The following TF variants were observed in gnomAD, a reference collection of about 807,000 sequenced individuals.
TF encodes transferrin.
A neutral mutation model predicts 82.4 loss-of-function variants in TF; 55 were observed. The ratio of observed to expected loss-of-function variants is 0.67; its 90% CI spans 0.54 to 0.84. The LOEUF (loss-of-function observed/expected upper bound fraction) is 0.84. TF is among the 40% of genes least tolerant of loss of function. The pLI, the probability that TF is intolerant of heterozygous loss-of-function variation, is 0.00. For synonymous variants in TF, 332 were observed against 332.6 expected (o/e 1.00, Z 0.02); for missense variants, 737 against 868.4 (o/e 0.85, Z 1.90).
At chr3:133,736,915 C>CA in the TF span, among the ~76,000 whole-genome samples, 1 of 152,094 alleles carries the variant, frequency 6.6e-6, no homozygotes, top group Non-Finnish European at 1.5e-5. Context: ...ATTAATGAGA[C>CA]AAAAAATTAA....
the TF span, among the ~76,000 whole-genome samples, chr3:133,727,592 G>T: frequency 2.9e-4 from 31 of 107,088 alleles, no homozygotes; most frequent in African/African-American, 1.1e-3. Flanking sequence ...ACACTGATGG[G>T]TCTTGACTCT....
At chr3:133,703,080 C>T in the TF span, among the ~76,000 whole-genome samples, 2 of 152,248 alleles carry the variant, frequency 1.3e-5, no homozygotes, top group South Asian at 4.1e-4. Flanking sequence ...TCCATTTAAC[C>T]AGTTTCTCAG....
chr3:133,707,658 AAC>A, the TF span: 1 of 152,360 alleles, frequency 6.6e-6, no homozygotes, highest in East Asian at 1.9e-4. Context: ...CCTGATCTAC[AAC>A]ACAGAGAAAA....
At chr3:133,713,797 A>G in the TF span, among the ~76,000 whole-genome samples, 1 of 152,062 alleles carries the variant, frequency 6.6e-6, no homozygotes, top group Non-Finnish European at 1.5e-5. Flanking sequence ...CCTGCCACCC[A>G]TGGGGCCTCC....
upstream of TF, chr3:133,746,276 G>A (rs533340450): frequency 1.2e-4 from 89 of 742,140 alleles, 2 homozygotes; most frequent in South Asian, 6.0e-4. Context: ...GTAAGGAAGG[G>A]GGGTTGGGAG....
the TF span, chr3:133,664,810 C>T: frequency 6.6e-6 from 1 of 151,772 alleles, no homozygotes; most frequent in African/African-American, 2.4e-5. Context: ...TGGTTGACCT[C>T]CTCAGATGTG....
chr3:133,722,373 A>G, the TF span, among the ~76,000 whole-genome samples: 8 of 152,000 alleles, frequency 5.3e-5, no homozygotes, highest in Non-Finnish European at 1.0e-4. Context: ...GCCACCCTCT[A>G]TCTTTTAATT....
intron 1 of TF, chr3:133,748,041 G>A (rs4532136): frequency 0.08 from 21,119 of 264,530 alleles, 1,283 homozygotes; most frequent in East Asian, 0.26. Flanking sequence ...CAATGTGTTG[G>A]GGTAGCTGAA....
At position 133,796,509 on chromosome 3, in the gene TF, A is replaced by C. The variant is rs980484835; in HGVS notation, c.*17889A>C. 3.9e-5 allele frequency: 6 copies of C among 152,244 alleles called. No homozygotes were observed. The highest frequency in any genetic ancestry group is 1.4e-4 in the African/African-American group (6 of 41,460). 9.4% of individuals were successfully genotyped at this position (152,244 alleles called of 1,614,324 possible). On this transcript the variant is annotated 3_prime_UTR_variant, in exon 17 of 17. Coordinates refer to ENST00000402696, the MANE Select transcript of TF (RefSeq NM_001063.4). ...TACATAGGGCATACACTGAGTAACC[A>C]ATGGAAACCTCTAGAGGGTATTTAA...
the TF span, among the ~76,000 whole-genome samples, chr3:133,682,539 G>T: frequency 6.6e-6 from 1 of 152,252 alleles, no homozygotes. Flanking sequence ...TGAAAACCAT[G>T]GCACGAGAAC....
chr3:133,754,833 A>G (rs1490711129), intron 4 of TF, among the ~76,000 whole-genome samples, 162 bp downstream of exon 4: 1 of 152,226 alleles, frequency 6.6e-6, no homozygotes, highest in Non-Finnish European at 1.5e-5. Context: ...CACCAGCAGC[A>G]CTTGGGAGGT....
the TF span, among the ~76,000 whole-genome samples, chr3:133,705,634 C>T: frequency 2.6e-5 from 4 of 152,132 alleles, no homozygotes; most frequent in Non-Finnish European, 5.9e-5. Flanking sequence ...ATACCTTGCT[C>T]ATATTATTAT....
chr3:133,756,332 T>C lies in TF; in HGVS notation c.686T>C (p.Ile229Thr), dbSNP rs764361166. The change falls in exon 6 of 17, where the codon ATA (isoleucine) becomes ACA (threonine). Residue 229 changes from isoleucine to threonine, a missense_variant. Transcript: ENST00000402696. ...GDVAFVKHST[I>T]FENLANKADR... The stretch of plus-strand genomic sequence containing the variant: ...GTGGCCTTTGTCAAGCACTCGACTA[T>C]ATTTGGTAAGAATGGGACAAGAATC... The C allele has an allele frequency of 7.7e-5, 124 of 1,613,984 alleles. 1 individual carries two copies. The highest frequency in any genetic ancestry group is 1.0e-4 in the Non-Finnish European group (121 of 1,180,006).
the TF span, among the ~76,000 whole-genome samples, chr3:133,694,721 C>A: frequency 2.0e-5 from 3 of 152,198 alleles, no homozygotes. Context: ...CTTGTGCGTA[C>A]CTCGCCCCAT....
chr3:133,666,592 A>G, the TF span, among the ~76,000 whole-genome samples: 29 of 152,220 alleles, frequency 1.9e-4, no homozygotes, highest in Admixed American at 3.3e-4. Flanking sequence ...ACATAGGCCT[A>G]CTAAGTCTCC....
chr3:133,763,718 C>T (rs1934052903), intron 9 of TF, among the ~76,000 whole-genome samples: 1 of 152,224 alleles, frequency 6.6e-6, no homozygotes, highest in Admixed American at 6.5e-5. Context: ...ATTCATTAAA[C>T]ATGTTGTATG....
Position 133,777,018 on chromosome 3 carries a change from G to T in TF, c.1873-31G>T, listed in dbSNP as rs755897861. On this transcript the variant is annotated intron_variant, in intron 15 of 16. Transcript: ENST00000402696. ...TGTTCCCAGCTGCTAAAGACCACAA[G>T]GTCCTCACGGACTTTCTGTTCACTT... 17 of 1,607,078 alleles carry T rather than the reference G, an allele frequency of 1.1e-5. No homozygotes were observed. The South Asian group carries it at 1.2e-4, about 11-fold the overall frequency.
the TF span, among the ~76,000 whole-genome samples, chr3:133,738,860 A>T: frequency 2.0e-5 from 3 of 152,274 alleles, no homozygotes; most frequent in Middle Eastern, 3.2e-3. Flanking sequence ...GATAGGAAGA[A>T]TCAATATTGT....
chr3:133,771,451 T>C (rs896128723), intron 14 of TF, among the ~76,000 whole-genome samples: 4 of 152,056 alleles, frequency 2.6e-5, no homozygotes, highest in Admixed American at 6.5e-5. Context: ...AATCAATGGG[T>C]GTTAAGCCGG....
Sources: gnomAD v4.1 joint callset for allele counts (sites outside exome capture counted in the v4.1 genomes callset) on GRCh38, gnomAD v4.1.1 for gene constraint, MANE v1.5 for transcripts, NCBI Gene and HGNC (gene_info 2026-07-23, HGNC 2026-07-21) for gene names.